UPF1: variants seen among roughly 807,000 people sequenced by gnomAD.
UPF1 encodes the protein regulator of nonsense transcripts 1.
UPF1 carries 9 observed loss-of-function variants against 129.2 expected under a neutral mutation model. The ratio of observed to expected loss-of-function variants is 0.07; its 90% CI spans 0.04 to 0.12. UPF1 has a LOEUF of 0.12. Ranked by LOEUF, UPF1 falls within the 10% of genes least tolerant of loss-of-function variation. The probability of loss-of-function intolerance (pLI) is 1.00; values close to 1 mark genes in which losing one functional copy is unlikely to be tolerated. For synonymous variants in UPF1, 649 were observed against 644.9 expected, an observed-to-expected ratio of 1.01 and a Z score of -0.10; for missense variants, 788 against 1,525.3, an observed-to-expected ratio of 0.52 and a Z score of 8.05.
At chr19:18,849,514 C>G (rs2055635403) in intron 3 of UPF1, 1 of 165,662 alleles carries the variant, frequency 6.0e-6, no homozygotes. Context: ...ACACACAGCC[C>G]TGGGCTTCTG....
Position 18,847,600 on chromosome 19 carries a change from ATTTGGTT to A in UPF1, c.372-143_372-137del. 3 of 727,156 alleles carry A rather than the reference ATTTGGTT, an allele frequency of 4.1e-6. No homozygotes were observed. In the East Asian group the frequency reaches 8.2e-5, roughly 20 times the overall value. The allele number at this position is 727,156 out of a possible 1,614,324, so 45.0% of individuals were successfully genotyped here. A position where few individuals can be genotyped will look rare whatever the true frequency, so the allele number is the denominator to read the frequency against. On this transcript the variant is annotated intron_variant, in intron 2 of 23. Transcript: ENST00000262803. ...TGAGAAGCCCTGGTTAACTGGTTTG[ATTTGGTT>A]ACTGGGATTGTTGGGGTTGAGTATG...
chr19:18,837,036 G>A (rs2055491182), intron 1 of UPF1, among the ~76,000 whole-genome samples: 1 of 152,086 alleles, frequency 6.6e-6, no homozygotes, highest in Non-Finnish European at 1.5e-5. Flanking sequence ...ACAGCCGTGA[G>A]CCACTGCGCC....
intron 13 of UPF1, 124 bp downstream of exon 13, chr19:18,856,424 T>C: frequency 1.1e-6 from 1 of 910,020 alleles, no homozygotes. Flanking sequence ...TGCTCTCTAC[T>C]TGGCCTCTCT....
rs1236850203 is a variant in UPF1 at position 18,850,141 on chromosome 19, G to A, written c.528G>A (p.Leu176=). ...KEVTLHKDGP[L]GETVLECYNC... is the part of the protein sequence containing the mutation. ...TGACCCTGCACAAGGACGGGCCCCTGGGGGAGACAGTCCTGGAGTGCTACA... is the reference window on the plus strand; with the variant it reads ...TGACCCTGCACAAGGACGGGCCCCTAGGGGAGACAGTCCTGGAGTGCTACA... Residue 176 remains leucine (L), a synonymous_variant, in exon 4 of 24, where the codon CTG becomes CTA. Coordinates refer to ENST00000262803, the MANE Select transcript of UPF1 (RefSeq NM_002911.4). This position sits in a 1 kb window ranked among gnomAD's most constrained non-coding sequence, Gnocchi z 7.1. 1.9e-6 allele frequency: 3 copies of A among 1,614,216 alleles called. No homozygotes were observed. Among genetic ancestry groups the A allele is most frequent in the Admixed American group, 3.3e-5 (2 of 60,020 alleles).
At chr19:18,843,518 GTTTTTTTTTT>G (rs35934501) in intron 1 of UPF1, among the ~76,000 whole-genome samples, 1 of 124,058 alleles carries the variant, frequency 8.1e-6, no homozygotes, top group Non-Finnish European at 1.6e-5. Context: ...GACTTTCTTT[GTTTTTTTTTT>G]TTTTTTTTGA....
chr19:18,857,192 G>C (rs750799641), intron 14 of UPF1, 128 bp from the exon 15 acceptor site: 152 of 1,461,738 alleles, frequency 1.0e-4, no homozygotes, highest in Admixed American at 5.2e-4. Context: ...TCCAGTGTGC[G>C]TGGTGAGCAA....
intron 1 of UPF1, among the ~76,000 whole-genome samples, chr19:18,841,416 C>T (rs561979325): frequency 2.6e-5 from 4 of 152,180 alleles, no homozygotes; most frequent in Admixed American, 1.3e-4. Context: ...GCTGCAGCGC[C>T]GTTATCACAC....
rs1287758129 is a variant in UPF1, at chr19:18,853,127, T to C, written c.1057+56T>C. 1 of 1,609,560 alleles carries C rather than the reference T, an allele frequency of 6.2e-7. No homozygotes were observed. Among genetic ancestry groups the C allele is most frequent in the African/African-American group, 1.3e-5 (1 of 74,750 alleles). ...GAGGTGATTTTAAGTTTTAAAATAT[T>C]TGTGACCATAAGTAGCATAAATTCC... On this transcript the variant is annotated intron_variant, in intron 7 of 23. Transcript: ENST00000262803. The surrounding 1 kb of genome is among the most constrained non-coding windows in gnomAD (Gnocchi z 4.4).
chr19:18,832,105 G>C lies in UPF1; in HGVS notation c.-105G>C. 1 of 1,109,758 alleles carries C rather than the reference G, an allele frequency of 9.0e-7. No homozygotes were observed. The highest frequency in any genetic ancestry group is 2.1e-5 in the South Asian group (1 of 46,748). The allele number at this position is 1,109,758 out of a possible 1,614,324, so 68.7% of individuals were successfully genotyped here. A position where few individuals can be genotyped will look rare whatever the true frequency, so the allele number is the denominator to read the frequency against. On this transcript the variant is annotated 5_prime_UTR_variant, in exon 1 of 24. Transcript: ENST00000262803. The surrounding 1 kb of genome is among the most constrained non-coding windows in gnomAD (Gnocchi z 5.6). Reference sequence around the variant, plus strand: ...GCGGTTTGGTCCTTTCCGGGCGCGCGGGGGCGACAGCGGCAGCGACCCGAG... The same window carrying C: ...GCGGTTTGGTCCTTTCCGGGCGCGCCGGGGCGACAGCGGCAGCGACCCGAG...
intron 1 of UPF1, among the ~76,000 whole-genome samples, chr19:18,834,786 CT>C (rs1481462805): frequency 1.3e-5 from 2 of 152,194 alleles, no homozygotes; most frequent in Non-Finnish European, 2.9e-5. Flanking sequence ...TTTGGGAAGA[CT>C]TTCCCTGTTT....
Position 18,832,126 on chromosome 19 carries a change from C to T in UPF1, c.-84C>T, listed in dbSNP as rs2055431668. ...GCGCGGGGGCGACAGCGGCAGCGACCCGAGGCCTGCGGCCTAGGCCTCAGC... is the reference window on the plus strand; with the variant it reads ...GCGCGGGGGCGACAGCGGCAGCGACTCGAGGCCTGCGGCCTAGGCCTCAGC... On this transcript the variant is annotated 5_prime_UTR_variant, in exon 1 of 24. Coordinates refer to ENST00000262803, the MANE Select transcript of UPF1 (RefSeq NM_002911.4). The surrounding 1 kb of genome is among the most constrained non-coding windows in gnomAD (Gnocchi z 5.6). 3.1e-6 allele frequency: 4 copies of T among 1,293,240 alleles called. No individual in the cohort carries two copies. The South Asian group carries it at 4.8e-5, about 15-fold the overall frequency. 80.1% of individuals were successfully genotyped at this position (1,293,240 alleles called of 1,614,324 possible). A position where few individuals can be genotyped will look rare whatever the true frequency, so the allele number is the denominator to read the frequency against.
Position 18,857,400 on chromosome 19 carries a change from G to A in UPF1, c.2049G>A (p.Ser683=), listed in dbSNP as rs145179613. ...CGGCCAAGGCCGGGCTGTCACAGTC[G>A]CTCTTCGAGCGCCTGGTGGTGCTGG... ...KKAAKAGLSQ[S]LFERLVVLGI... The change falls in exon 15 of 24, where the codon TCG becomes TCA. Residue 683 remains serine, a synonymous_variant. Coordinates refer to ENST00000262803, the MANE Select transcript of UPF1 (RefSeq NM_002911.4). 2.8e-5 allele frequency: 45 copies of A among 1,613,404 alleles called. No homozygotes were observed. The African/African-American group carries it at 3.3e-4, about 12-fold the overall frequency.
At chr19:18,866,013 G>C in intron 22 of UPF1, 31 bp from the exon 23 acceptor site, 1 of 1,612,862 alleles carries the variant, frequency 6.2e-7, no homozygotes, top group Non-Finnish European at 8.5e-7. Context: ...CTTGGCCTGT[G>C]GCTTGCTTAC....
At position 18,847,790 on chromosome 19, in the gene UPF1, A is replaced by T; in HGVS notation, c.418A>T (p.Ser140Cys). Residue 140 changes from serine to cysteine, a missense_variant, in exon 3 of 24, where the codon AGC becomes TGC. By Grantham distance (112) the Ser-to-Cys change is moderately radical. Around this residue, in one of 6 missense-constraint regions of UPF1, gnomAD observed 227 missense variants for 517.9 expected, o/e 0.44. Coordinates refer to ENST00000262803, the MANE Select transcript of UPF1 (RefSeq NM_002911.4). ...TGCCTGCGTGGTTTACTGTAATACC[A>T]GCAAGAAGTGGTTCTGCAACGGACG... ...DPACVVYCNT[S>C]KKWFCNGRGN... is the part of the protein sequence containing the mutation. The T allele has an allele frequency of 6.2e-7, 1 of 1,614,248 alleles. No homozygotes were observed. Among genetic ancestry groups the T allele is most frequent in the East Asian group, 2.2e-5 (1 of 44,892 alleles).
chr19:18,854,136 A>C (rs1264345781), intron 8 of UPF1, among the ~76,000 whole-genome samples: 1 of 152,140 alleles, frequency 6.6e-6, no homozygotes, highest in African/African-American at 2.4e-5. Context: ...GCTTGGCCGT[A>C]CTGGGAGGGG....
chr19:18,833,778 T>G (rs1373147241), intron 1 of UPF1, among the ~76,000 whole-genome samples: 2 of 152,182 alleles, frequency 1.3e-5, no homozygotes, highest in African/African-American at 4.8e-5. Flanking sequence ...GAACCACTCC[T>G]TGCTCATCCA....
intron 3 of UPF1, 127 bp from the exon 4 acceptor site, chr19:18,849,948 G>T: frequency 8.4e-7 from 1 of 1,192,304 alleles, no homozygotes; most frequent in Non-Finnish European, 1.2e-6. Flanking sequence ...ATGCCAGATG[G>T]ATGAGGTGTG....
chr19:18,865,335 G>A lies in UPF1; in HGVS notation c.2904G>A (p.Met968Ile), dbSNP rs2055830442. 3.7e-6 allele frequency: 6 copies of A among 1,613,824 alleles called. No homozygotes were observed. Among genetic ancestry groups the A allele is most frequent in the Non-Finnish European group, 5.1e-6 (6 of 1,179,848 alleles). ...MYFQTHDQIG[M>I]ISAGPSHVAA... Reference sequence around the variant, plus strand: ...TCCAGACCCATGACCAGATTGGCATGATCAGTGCCGGCCCTAGCCACGTGG... The same window carrying A: ...TCCAGACCCATGACCAGATTGGCATAATCAGTGCCGGCCCTAGCCACGTGG... The change falls in exon 21 of 24, where the codon ATG becomes ATA. Residue 968 changes from methionine (M) to isoleucine (I), a missense_variant. This residue lies in a region of UPF1 where 218 missense variants were observed against 318.1 expected (regional missense o/e 0.69). Transcript: ENST00000262803. This position sits in a 1 kb window ranked among gnomAD's most constrained non-coding sequence, Gnocchi z 6.1.
intron 3 of UPF1, among the ~76,000 whole-genome samples, chr19:18,848,727 A>G (rs1222339549): frequency 3.9e-5 from 6 of 152,148 alleles, no homozygotes; most frequent in Admixed American, 1.3e-4. Context: ...AACTTGAAAT[A>G]TGGTGTTATG....
Sources: gnomAD v4.1 joint callset for allele counts (sites outside exome capture counted in the v4.1 genomes callset) on GRCh38, gnomAD v4.1.1 for gene constraint, gnomAD v4.1.1 regional missense constraint, Gnocchi (gnomAD v3.1) non-coding constraint, MANE v1.5 for transcripts, NCBI Gene and HGNC (gene_info 2026-07-23, HGNC 2026-07-21) for gene names.